Variants in NUP85 observed in about 807,000 individuals in gnomAD.
NUP85 encodes nuclear pore complex protein Nup85.
Under a neutral mutation model 92.8 loss-of-function variants are expected in NUP85, and 23 were observed. The ratio of observed to expected loss-of-function variants is 0.25; its 90% CI spans 0.18 to 0.35. The LOEUF (loss-of-function observed/expected upper bound fraction) is 0.35. Ranked by LOEUF, NUP85 falls within the 10% of genes least tolerant of loss-of-function variation. The pLI is 1.00. For missense variants in NUP85, 759 were observed against 822.8 expected, an observed-to-expected ratio of 0.92 and a Z score of 0.95; for synonymous variants, 314 against 306.9, an observed-to-expected ratio of 1.02 and a Z score of -0.24.
At position 75,235,082 on chromosome 17, in the gene NUP85, G is replaced by A. The variant is rs1397763276; in HGVS notation, c.1768-18G>A. 9 of 1,602,362 alleles carry A rather than the reference G, an allele frequency of 5.6e-6. No individual in the cohort carries two copies. The highest frequency in any genetic ancestry group is 4.5e-5 in the East Asian group (2 of 44,836). ...CCAGGGCTGGGGGCAGCCAAGCAAG[G>A]CAGGCTCTCTTCCCTAGGTGATTTT... On this transcript the variant is annotated intron_variant, in intron 17 of 18. Coordinates refer to ENST00000245544, the MANE Select transcript of NUP85 (RefSeq NM_024844.5).
At chr17:75,212,260 T>G (rs1175108012) in intron 4 of NUP85, among the ~76,000 whole-genome samples, 198 bp downstream of exon 4, 6 of 2,248 alleles carry the variant, frequency 2.7e-3, no homozygotes, top group African/African-American at 3.5e-3. Flanking sequence ...TTTTTTTTTT[T>G]TTTTTTTTTT....
rs920356148 is a variant in NUP85 at position 75,205,700 on chromosome 17, G to T, written c.-62G>T. 2.2e-5 allele frequency: 36 copies of T among 1,600,864 alleles called. No individual in the cohort carries two copies. The highest frequency in any genetic ancestry group is 4.4e-5 in the South Asian group (4 of 90,790). ...TCTTGTCTCGCAGCCAGCTCTGAGC[G>T]GGAGGCCTGAGCGGGAAGCATTGGC... is the stretch of plus-strand genomic sequence containing the variant. On this transcript the variant is annotated 5_prime_UTR_variant, in exon 1 of 19. Transcript: ENST00000245544.
intron 11 of NUP85, among the ~76,000 whole-genome samples, chr17:75,230,019 G>C (rs1443814544): frequency 6.6e-6 from 1 of 151,322 alleles, no homozygotes; most frequent in African/African-American, 2.4e-5. Context: ...GATTAACAAA[G>C]TAGTATGTAT....
At chr17:75,232,118 TA>T in intron 14 of NUP85, 139 bp downstream of exon 14, 1 of 832,352 alleles carries the variant, frequency 1.2e-6, no homozygotes, top group Middle Eastern at 3.6e-4. Context: ...CGCCAAGAGG[TA>T]AACTAAGAGA....
intron 11 of NUP85, chr17:75,228,570 C>G: frequency 1.0e-6 from 1 of 985,380 alleles, no homozygotes. Flanking sequence ...GAATTGGGGT[C>G]TTGTGGGCAC....
Position 75,231,762 on chromosome 17 carries a change from C to G in NUP85, c.1245-66C>G, listed in dbSNP as rs1056070158. 2.5e-6 allele frequency: 4 copies of G among 1,607,280 alleles called. No individual in the cohort carries two copies. Among genetic ancestry groups the G allele is most frequent in the Admixed American group, 1.7e-5 (1 of 59,518 alleles). ...CTTCGGAAGGGTCAGTGAAAGGGAG[C>G]TGTAGGTGCCAGTCCTCGGAGCCAT... On this transcript the variant is annotated intron_variant, in intron 13 of 18. Transcript: ENST00000245544. This position sits in a 1 kb window ranked among gnomAD's most constrained non-coding sequence, Gnocchi z 4.6.
Position 75,235,168 on chromosome 17 carries a change from T to G in NUP85, c.1836T>G (p.Pro612=). ...TGGAGGACTTGACGTCAAGAAGACC[T>G]GTGCATGGAGAATCTGATACCGAGC... ...RCLEDLTSRR[P]VHGESDTEQL... is the part of the protein sequence containing the mutation. Residue 612 remains proline (P), a synonymous_variant, in exon 18 of 19, where the codon CCT becomes CCG. Transcript: ENST00000245544. The G allele has an allele frequency of 1.2e-6, 2 of 1,614,076 alleles. No individual in the cohort carries two copies. The highest frequency in any genetic ancestry group is 1.7e-6 in the Non-Finnish European group (2 of 1,179,950).
At chr17:75,219,176 CAAAA>C (rs911190501) in intron 7 of NUP85, among the ~76,000 whole-genome samples, 1 of 149,148 alleles carries the variant, frequency 6.7e-6, no homozygotes, top group African/African-American at 2.5e-5. Flanking sequence ...ATTGTGAGGA[CAAAA>C]AAAAAGAAAA....
At chr17:75,218,461 A>G (rs904259106) in intron 7 of NUP85, among the ~76,000 whole-genome samples, 155 bp downstream of exon 7, 1 of 151,908 alleles carries the variant, frequency 6.6e-6, no homozygotes, top group Admixed American at 6.6e-5. Flanking sequence ...TCCCTGCTCT[A>G]TGGGAGAGTC....
chr17:75,223,175 G>A (rs1267922057), intron 7 of NUP85, among the ~76,000 whole-genome samples: 1 of 151,934 alleles, frequency 6.6e-6, no homozygotes, highest in Admixed American at 6.6e-5. Context: ...CCAAGAAAAT[G>A]TACAAAAATG....
intron 11 of NUP85, among the ~76,000 whole-genome samples, chr17:75,227,220 C>T (rs1023220188): frequency 2.6e-5 from 4 of 151,814 alleles, no homozygotes; most frequent in African/African-American, 9.7e-5. Flanking sequence ...GAGTTTCCTT[C>T]GCCCTACCTG....
chr17:75,212,256 T>G (rs1188959520), intron 4 of NUP85, among the ~76,000 whole-genome samples, 194 bp downstream of exon 4: 45 of 3,828 alleles, frequency 0.012, 3 homozygotes, highest in African/African-American at 0.018. Flanking sequence ...TGTTTTTTTT[T>G]TTTTTTTTTT....
At chr17:75,222,257 C>T (rs754681823) in intron 7 of NUP85, among the ~76,000 whole-genome samples, 1 of 152,094 alleles carries the variant, frequency 6.6e-6, no homozygotes, top group Non-Finnish European at 1.5e-5. Context: ...GTTGTCCAGG[C>T]TGGTCTCAAA....
chr17:75,230,545 G>A (rs539920345), intron 11 of NUP85, among the ~76,000 whole-genome samples: 41 of 152,164 alleles, frequency 2.7e-4, no homozygotes, highest in African/African-American at 9.9e-4. Context: ...ACTTTTTGTA[G>A]AGATGGGGTT....
At chr17:75,213,263 C>T in intron 5 of NUP85, 144 bp downstream of exon 5, 1 of 662,734 alleles carries the variant, frequency 1.5e-6, no homozygotes, top group South Asian at 1.8e-5. Context: ...CAGTGATTGT[C>T]TTGCCCCCTT....
chr17:75,220,484 G>T (rs8080700), intron 7 of NUP85, among the ~76,000 whole-genome samples: 1 of 151,296 alleles, frequency 6.6e-6, no homozygotes, highest in African/African-American at 2.4e-5. Context: ...ACAATCACCA[G>T]TCACTGTAGC....
At chr17:75,232,628 C>A (rs1333113894) in intron 14 of NUP85, among the ~76,000 whole-genome samples, 1 of 152,164 alleles carries the variant, frequency 6.6e-6, no homozygotes, top group Non-Finnish European at 1.5e-5. Flanking sequence ...GCCACACACA[C>A]TCATAGAGCC....
In NUP85 at chr17:75,234,641, G is replaced by A. The variant is rs1308278849; in HGVS notation, c.1620G>A (p.Lys540=). 1 of 1,614,130 alleles carries A rather than the reference G, an allele frequency of 6.2e-7. No homozygotes were observed. The highest frequency in any genetic ancestry group is 1.7e-5 in the Admixed American group (1 of 60,032). ...MLSDRLTFLG[K]YREFHRMYGE... is the part of the protein sequence containing the mutation. ...AGTGCTCTTGTTTCGCCATAGGAAA[G>A]TATCGCGAGTTCCACCGTATGTACG... Residue 540 remains lysine, a synonymous_variant, in exon 17 of 19, where the codon AAG becomes AAA. Transcript: ENST00000245544.
chr17:75,225,205 G>T lies in NUP85; in HGVS notation c.700G>T (p.Gly234Trp). ...PASAGICRIMGDLMRTMPILS... is the reference protein window; with the variant it reads ...PASAGICRIMWDLMRTMPILS... ...CTCTGCAGGCATATGCCGAATCATG[G>T]GGGACCTGATGAGGACAATGCCCAT... The change falls in exon 8 of 19, where the codon GGG (glycine) becomes TGG (tryptophan). Residue 234 changes from glycine (G) to tryptophan (W), a missense_variant. Transcript: ENST00000245544. The T allele has an allele frequency of 6.2e-7, 1 of 1,609,416 alleles. No individual in the cohort carries two copies. The highest frequency in any genetic ancestry group is 1.7e-5 in the Admixed American group (1 of 59,658).
Sources: gnomAD v4.1 joint callset for allele counts (sites outside exome capture counted in the v4.1 genomes callset) on GRCh38, gnomAD v4.1.1 for gene constraint, Gnocchi (gnomAD v3.1) non-coding constraint, MANE v1.5 for transcripts, NCBI Gene and HGNC (gene_info 2026-07-23, HGNC 2026-07-21) for gene names.